The following GRXCR1 variants were observed in gnomAD, a reference collection of about 807,000 sequenced individuals.
GRXCR1 encodes glutaredoxin domain-containing cysteine-rich protein 1.
GRXCR1 carries 27 observed loss-of-function variants against 27.3 expected under a neutral mutation model. That is an observed-to-expected ratio of 0.99 (90% CI 0.73 to 1.37). The LOEUF is 1.37. Ranked by LOEUF, GRXCR1 falls within the 40% of genes most tolerant of loss-of-function variation. The pLI is 0.00. For synonymous variants in GRXCR1, 122 were observed against 131.1 expected (o/e 0.93, Z 0.47); for missense variants, 379 against 354.4 (o/e 1.07, Z -0.56).
At chr4:42,930,488 A>G (rs1005897543) in intron 1 of GRXCR1, among the ~76,000 whole-genome samples, 2 of 151,918 alleles carry the variant, frequency 1.3e-5, no homozygotes, top group African/African-American at 4.8e-5. Flanking sequence ...TGTGTTTCCT[A>G]TCTCTCCTCT....
At chr4:42,933,026 A>G (rs892714325) in intron 1 of GRXCR1, among the ~76,000 whole-genome samples, 1 of 151,876 alleles carries the variant, frequency 6.6e-6, no homozygotes, top group African/African-American at 2.4e-5. Flanking sequence ...CTACCACTTT[A>G]CTCAACTATT....
chr4:42,933,069 G>A (rs2109758159), intron 1 of GRXCR1, among the ~76,000 whole-genome samples: 1 of 151,886 alleles, frequency 6.6e-6, no homozygotes, highest in African/African-American at 2.4e-5. Flanking sequence ...CCTTCTAACT[G>A]GCCAATTTAT....
intron 2 of GRXCR1, among the ~76,000 whole-genome samples, chr4:43,008,786 T>C (rs1712645271): frequency 6.6e-6 from 1 of 152,248 alleles, no homozygotes; most frequent in South Asian, 2.1e-4. Flanking sequence ...TTTTGAACAA[T>C]ATTCCTGTAA....
intron 2 of GRXCR1, among the ~76,000 whole-genome samples, chr4:42,996,397 C>G (rs567556551): frequency 9.9e-4 from 151 of 152,254 alleles, no homozygotes; most frequent in African/African-American, 3.5e-3. Flanking sequence ...TAAATTTACT[C>G]CAGCCAGTGA....
At chr4:42,999,411 A>G (rs1007560261) in intron 2 of GRXCR1, among the ~76,000 whole-genome samples, 4 of 152,236 alleles carry the variant, frequency 2.6e-5, no homozygotes, top group Non-Finnish European at 5.9e-5. Context: ...ACAGCCTTTC[A>G]GGCTTCTTCA....
At chr4:43,028,106 C>T (rs538324584) in intron 3 of GRXCR1, among the ~76,000 whole-genome samples, 5 of 149,374 alleles carry the variant, frequency 3.3e-5, no homozygotes, top group African/African-American at 9.9e-5. Context: ...AGTGAGACTC[C>T]GTCTCAAAAA....
chr4:42,960,335 T>C (rs550715011), intron 1 of GRXCR1, among the ~76,000 whole-genome samples: 101 of 152,016 alleles, frequency 6.6e-4, no homozygotes, highest in African/African-American at 2.4e-3. Flanking sequence ...GATAATATAA[T>C]AAGAAAAAAG....
At chr4:42,915,642 C>G (rs574102473) in intron 1 of GRXCR1, among the ~76,000 whole-genome samples, 1 of 151,966 alleles carries the variant, frequency 6.6e-6, no homozygotes, top group East Asian at 1.9e-4. Flanking sequence ...TATCTTGACA[C>G]GTCTCATATA....
At chr4:42,977,481 C>G (rs994642464) in intron 2 of GRXCR1, among the ~76,000 whole-genome samples, 1 of 151,298 alleles carries the variant, frequency 6.6e-6, no homozygotes, top group African/African-American at 2.4e-5. Context: ...AAACAATTAT[C>G]TTTTGCCTAA....
rs1200748420 is a variant in GRXCR1, at chr4:42,955,273, G to GA, written c.385-7610dup. On this transcript the variant is annotated intron_variant, in intron 1 of 3. Transcript: ENST00000399770. ...CATCTCAAAGAAATCATTTTAGACT[G>GA]AAAAAAAAATATTCAACATGCCCCG... Among the ~76,000 whole-genome samples, 316 of 151,208 alleles carry GA rather than the reference G, an allele frequency of 2.1e-3. 3 individuals are homozygous for GA. The highest frequency in any genetic ancestry group is 6.8e-3 in the African/African-American group (282 of 41,198).
At chr4:42,987,219 ATAT>A (rs1246045800) in intron 2 of GRXCR1, among the ~76,000 whole-genome samples, 52 of 46,974 alleles carry the variant, frequency 1.1e-3, no homozygotes, top group African/African-American at 4.0e-3. Context: ...TATTATATAT[ATAT>A]TATATATTAT....
chr4:42,935,753 AT>A (rs5857876), intron 1 of GRXCR1, among the ~76,000 whole-genome samples: 40,529 of 151,678 alleles, frequency 0.27, 5,997 homozygotes, highest in African/African-American at 0.4. Flanking sequence ...ATTTAAAATT[AT>A]TTAGATTAAA....
At chr4:42,905,451 C>A (rs574352183) in intron 1 of GRXCR1, among the ~76,000 whole-genome samples, 1 of 152,194 alleles carries the variant, frequency 6.6e-6, no homozygotes, top group Non-Finnish European at 1.5e-5. Flanking sequence ...TGCTATGAGC[C>A]ACACGGTGGA....
intron 1 of GRXCR1, among the ~76,000 whole-genome samples, chr4:42,908,032 CT>C (rs1746635835): frequency 6.6e-6 from 1 of 152,150 alleles, no homozygotes; most frequent in African/African-American, 2.4e-5. Flanking sequence ...GTGATGCTGC[CT>C]TCCTACAGGG....
chr4:42,947,179 T>TCA, intron 1 of GRXCR1, among the ~76,000 whole-genome samples: 2 of 152,014 alleles, frequency 1.3e-5, no homozygotes, highest in Non-Finnish European at 2.9e-5. Context: ...CAGTTAGCTG[T>TCA]TGAAATTTTG....
intron 2 of GRXCR1, among the ~76,000 whole-genome samples, chr4:42,972,649 C>A (rs1440798564): frequency 6.6e-6 from 1 of 152,134 alleles, no homozygotes; most frequent in Non-Finnish European, 1.5e-5. Context: ...GAAAATAATA[C>A]TGTGAATGGC....
intron 1 of GRXCR1, among the ~76,000 whole-genome samples, chr4:42,904,185 C>T (rs745925440): frequency 2.0e-5 from 3 of 152,178 alleles, no homozygotes; most frequent in Admixed American, 6.5e-5. Flanking sequence ...TGTCCATCTT[C>T]ATTGCTACTC....
chr4:42,930,309 G>C (rs1747273095), intron 1 of GRXCR1, among the ~76,000 whole-genome samples: 1 of 151,952 alleles, frequency 6.6e-6, no homozygotes. Context: ...AATTTCTCTA[G>C]ACCATTTCCC....
chr4:42,910,174 C>T (rs1371590067), intron 1 of GRXCR1, among the ~76,000 whole-genome samples: 1 of 152,126 alleles, frequency 6.6e-6, no homozygotes, highest in African/African-American at 2.4e-5. Context: ...CTCACTATCA[C>T]CAGAACGGCA....
Sources: allele counts gnomAD v4.1 joint callset (sites outside exome capture counted in the v4.1 genomes callset), GRCh38; gene constraint gnomAD v4.1.1; transcripts MANE v1.5; gene names NCBI Gene and HGNC (gene_info 2026-07-23, HGNC 2026-07-21).